The following EYS variants were observed in gnomAD, a reference collection of about 807,000 sequenced individuals.
EYS encodes protein eyes shut homolog.
EYS carries 250 observed loss-of-function variants against 282.1 expected under a neutral mutation model. The ratio of observed to expected loss-of-function variants is 0.89; its 90% CI spans 0.80 to 0.98. The LOEUF (loss-of-function observed/expected upper bound fraction) is 0.98, where lower values mean the gene tolerates loss of function less well. Ranked by LOEUF, EYS falls within the 50% of genes least tolerant of loss-of-function variation. The pLI, the probability that EYS is intolerant of heterozygous loss-of-function variation, is 0.00. For missense variants in EYS, 4,016 were observed against 3,709.0 expected (o/e 1.08, Z -2.15); for synonymous variants, 1,355 against 1,282.9 (o/e 1.06, Z -1.20).
intron 31 of EYS, among the ~76,000 whole-genome samples, chr6:64,133,215 T>A (rs1774042538): frequency 6.6e-6 from 1 of 152,096 alleles, no homozygotes; most frequent in South Asian, 2.1e-4. Context: ...TCACATTTTT[T>A]ATTTAAATAT....
chr6:64,403,501 C>A (rs1169664609), intron 28 of EYS, among the ~76,000 whole-genome samples: 1 of 152,042 alleles, frequency 6.6e-6, no homozygotes, highest in Non-Finnish European at 1.5e-5. Context: ...GGATTACAGG[C>A]ATGTGGCACC....
intron 29 of EYS, among the ~76,000 whole-genome samples, chr6:64,308,195 G>A (rs142937374): frequency 1.8e-3 from 268 of 152,058 alleles, no homozygotes; most frequent in African/African-American, 6.2e-3. Flanking sequence ...AAAGATTTGT[G>A]ATATATTTTA....
intron 35 of EYS, among the ~76,000 whole-genome samples, chr6:63,955,566 C>T (rs1311100348): frequency 1.3e-5 from 2 of 152,204 alleles, no homozygotes; most frequent in Middle Eastern, 3.2e-3. Flanking sequence ...TCTAATCCTT[C>T]TTTAACAAAC....
chr6:65,637,595 A>G (rs1296738671), intron 2 of EYS, among the ~76,000 whole-genome samples: 1 of 152,174 alleles, frequency 6.6e-6, no homozygotes, highest in African/African-American at 2.4e-5. Flanking sequence ...GGGCCCAGGA[A>G]GCTACTTGCC....
chr6:65,418,692 A>G (rs1767335821), intron 5 of EYS, among the ~76,000 whole-genome samples: 2 of 151,880 alleles, frequency 1.3e-5, no homozygotes, highest in Non-Finnish European at 2.9e-5. Flanking sequence ...AACACATGGA[A>G]ACAGAGACCT....
chr6:65,608,037 A>G (rs1388800172), intron 2 of EYS, among the ~76,000 whole-genome samples: 1 of 152,016 alleles, frequency 6.6e-6, no homozygotes, highest in East Asian at 1.9e-4. Flanking sequence ...TGGAGGAAAC[A>G]CATTCAGCAA....
At chr6:65,161,133 T>C (rs1267064470) in intron 12 of EYS, among the ~76,000 whole-genome samples, 1 of 151,064 alleles carries the variant, frequency 6.6e-6, no homozygotes, top group Non-Finnish European at 1.5e-5. Context: ...CAGTAAGCAA[T>C]AAGGAGTTGG....
intron 36 of EYS, among the ~76,000 whole-genome samples, chr6:63,813,931 T>C (rs1363163648): frequency 2.6e-5 from 4 of 152,354 alleles, no homozygotes; most frequent in African/African-American, 9.6e-5. Flanking sequence ...AATCTACCCT[T>C]AGGCAGATGG....
chr6:64,000,406 T>C (rs878899733), intron 33 of EYS, among the ~76,000 whole-genome samples: 1 of 150,976 alleles, frequency 6.6e-6, no homozygotes, highest in Non-Finnish European at 1.5e-5. Context: ...TGAGCCAGGA[T>C]GGTCTCGATC....
intron 5 of EYS, among the ~76,000 whole-genome samples, chr6:65,443,626 C>T (rs779697761): frequency 6.7e-6 from 1 of 148,966 alleles, no homozygotes; most frequent in Admixed American, 6.8e-5. Context: ...CACATATAAA[C>T]ATGTGTAGAG....
intron 30 of EYS, among the ~76,000 whole-genome samples, chr6:64,231,490 A>C (rs973628079): frequency 2.0e-5 from 3 of 152,144 alleles, no homozygotes; most frequent in Non-Finnish European, 4.4e-5. Flanking sequence ...CTCTCAAACC[A>C]AATAAGATTG....
chr6:65,167,237 G>A (rs1166940636), intron 12 of EYS, among the ~76,000 whole-genome samples: 1 of 151,236 alleles, frequency 6.6e-6, no homozygotes, highest in African/African-American at 2.4e-5. Context: ...TATGATGATA[G>A]CCCAAATGTA....
At chr6:64,690,238 C>G (rs1178402869) in intron 22 of EYS, among the ~76,000 whole-genome samples, 1 of 152,036 alleles carries the variant, frequency 6.6e-6, no homozygotes, top group Non-Finnish European at 1.5e-5. Flanking sequence ...TGCTCATCAT[C>G]ACTGACCATC....
chr6:65,211,427 A>G (rs1766173930), intron 12 of EYS, among the ~76,000 whole-genome samples: 1 of 152,060 alleles, frequency 6.6e-6, no homozygotes, highest in African/African-American at 2.4e-5. Context: ...CTATTGGCAT[A>G]CTGTTAGAAA....
At chr6:65,062,278 A>C (rs2150160177) in intron 12 of EYS, among the ~76,000 whole-genome samples, 1 of 152,092 alleles carries the variant, frequency 6.6e-6, no homozygotes, top group African/African-American at 2.4e-5. Flanking sequence ...ACTGTGATAA[A>C]TAACAAAACC....
chr6:65,575,715 A>T (rs1764640745), intron 2 of EYS, among the ~76,000 whole-genome samples: 1 of 152,038 alleles, frequency 6.6e-6, no homozygotes. Context: ...AACAGGGAAA[A>T]AAAAGAAAGA....
chr6:64,975,382 A>C (rs940457170), intron 14 of EYS, among the ~76,000 whole-genome samples: 2 of 151,872 alleles, frequency 1.3e-5, no homozygotes, highest in African/African-American at 4.8e-5. Context: ...TGTAACTTAA[A>C]AATAATTCCC....
chr6:64,896,404 A>T (rs1767467474), intron 18 of EYS, among the ~76,000 whole-genome samples: 1 of 152,156 alleles, frequency 6.6e-6, no homozygotes, highest in African/African-American at 2.4e-5. Context: ...TATCTGGCAC[A>T]GATACTATGC....
chr6:63,855,535 A>T (rs1772369154), intron 36 of EYS, among the ~76,000 whole-genome samples: 1 of 152,242 alleles, frequency 6.6e-6, no homozygotes, highest in South Asian at 2.1e-4. Flanking sequence ...CAGCATACAT[A>T]GCTGAATATT....
Sources: gnomAD v4.1 joint callset for allele counts (sites outside exome capture counted in the v4.1 genomes callset) on GRCh38, gnomAD v4.1.1 for gene constraint, MANE v1.5 for transcripts, NCBI Gene and HGNC (gene_info 2026-07-23, HGNC 2026-07-21) for gene names.